SUMF1: variants seen among roughly 807,000 people sequenced by gnomAD.
SUMF1 encodes formylglycine-generating enzyme.
A neutral mutation model predicts 47.6 loss-of-function variants in SUMF1; 48 were observed. The observed-to-expected ratio is 1.01, with a 90% CI of 0.80 to 1.28. SUMF1 has a LOEUF of 1.28. Among genes scored for constraint, SUMF1 ranks in the 50% most tolerant of loss-of-function variants. SUMF1 has a pLI of 0.00. For synonymous variants in SUMF1, 230 were observed against 192.1 expected (o/e 1.20, Z -1.63); for missense variants, 571 against 485.4 (o/e 1.18, Z -1.66).
At chr3:4,107,159 C>A (rs1693177317) in intron 8 of SUMF1, among the ~76,000 whole-genome samples, 2 of 152,050 alleles carry the variant, frequency 1.3e-5, no homozygotes, top group Non-Finnish European at 2.9e-5. Context: ...TCACTAAACT[C>A]TAAGTTGAGA....
intron 1 of SUMF1, among the ~76,000 whole-genome samples, chr3:4,462,596 G>A (rs931917194): frequency 5.3e-5 from 8 of 152,144 alleles, no homozygotes; most frequent in African/African-American, 1.9e-4. Context: ...AATAGAATCA[G>A]CTCATACGTA....
chr3:4,077,436 G>T (rs994813622), intron 8 of SUMF1, among the ~76,000 whole-genome samples: 1 of 152,100 alleles, frequency 6.6e-6, no homozygotes, highest in Non-Finnish European at 1.5e-5. Flanking sequence ...ACTGGATAAA[G>T]AAAATGTGGC....
chr3:4,345,089 G>C (rs1173894532), intron 8 of SUMF1, among the ~76,000 whole-genome samples: 1 of 152,134 alleles, frequency 6.6e-6, no homozygotes, highest in East Asian at 1.9e-4. Context: ...AGGGAGAATG[G>C]AAACAAGTGG....
intron 8 of SUMF1, among the ~76,000 whole-genome samples, chr3:4,088,139 A>T (rs1213927029): frequency 6.6e-6 from 1 of 152,122 alleles, no homozygotes; most frequent in Non-Finnish European, 1.5e-5. Context: ...CTCTGAACTC[A>T]GGTGAGTGTT....
intron 8 of SUMF1, among the ~76,000 whole-genome samples, chr3:4,339,395 T>C (rs1699222094): frequency 6.6e-6 from 1 of 152,060 alleles, no homozygotes; most frequent in Non-Finnish European, 1.5e-5. Context: ...ACCTGTGGAA[T>C]GGAAGGAAAG....
rs1695429620 is a variant in SUMF1 at position 4,068,415 on chromosome 3, A to T, written c.1191+154T>A. On this transcript the variant is annotated intron_variant and NMD_transcript_variant, in intron 9 of 12. Coordinates refer to the SUMF1 transcript ENST00000448413. ...AAATTTGAGCCACATTTTAAAAAGT[A>T]AAAAACAATGATAGTAATTTTAATA... is the stretch of plus-strand genomic sequence containing the variant. Among the ~76,000 whole-genome samples the T allele has an allele frequency of 2.0e-5, 3 of 152,316 alleles. No homozygotes were observed. In the South Asian group the frequency reaches 6.2e-4, roughly 32 times the overall value.
intron 8 of SUMF1, among the ~76,000 whole-genome samples, chr3:4,253,382 T>C (rs532966887): frequency 1.3e-5 from 2 of 152,136 alleles, no homozygotes; most frequent in South Asian, 2.1e-4. Context: ...TGCCAGACAG[T>C]GGGCGCAGGC....
At chr3:4,227,246 C>T (rs1459527282) in intron 8 of SUMF1, among the ~76,000 whole-genome samples, 2 of 152,142 alleles carry the variant, frequency 1.3e-5, no homozygotes, top group Non-Finnish European at 2.9e-5. Flanking sequence ...TCATTCCACA[C>T]ATGATTACCA....
intron 8 of SUMF1, chr3:4,303,605 G>A (rs958019878): frequency 7.3e-7 from 1 of 1,372,384 alleles, no homozygotes; most frequent in African/African-American, 1.5e-5. Flanking sequence ...TCGCTGGGAC[G>A]GCCTCCCAGT....
At chr3:4,425,519 G>C (rs1447618610) in intron 3 of SUMF1, among the ~76,000 whole-genome samples, 1 of 152,084 alleles carries the variant, frequency 6.6e-6, no homozygotes, top group Non-Finnish European at 1.5e-5. Flanking sequence ...CCACCCACCA[G>C]TTCACCCTTT....
chr3:4,149,376 T>C (rs941178998), intron 8 of SUMF1, among the ~76,000 whole-genome samples: 3 of 152,114 alleles, frequency 2.0e-5, no homozygotes, highest in African/African-American at 7.2e-5. Context: ...TCCTTAAACA[T>C]GCACTTCAAA....
At chr3:4,099,853 G>A (rs1215991472) in intron 8 of SUMF1, among the ~76,000 whole-genome samples, 1 of 151,080 alleles carries the variant, frequency 6.6e-6, no homozygotes, top group Non-Finnish European at 1.5e-5. Flanking sequence ...AATCCCACCT[G>A]CAATAGCATC....
intron 9 of SUMF1, among the ~76,000 whole-genome samples, chr3:4,061,866 A>G (rs1322055303): frequency 6.6e-6 from 1 of 152,110 alleles, no homozygotes; most frequent in Non-Finnish European, 1.5e-5. Flanking sequence ...CCTTTAGGCC[A>G]AACTTAAAGT....
chr3:4,125,707 C>T (rs1261413423), intron 8 of SUMF1, among the ~76,000 whole-genome samples: 3 of 152,158 alleles, frequency 2.0e-5, no homozygotes, highest in African/African-American at 7.2e-5. Context: ...CAGGATCTTA[C>T]TCTGCCACCC....
In SUMF1 at chr3:4,449,259, T is replaced by A. The variant is rs780191552; in HGVS notation, c.519+7A>T. On this transcript the variant is annotated splice_region_variant and intron_variant, in intron 3 of 8. Transcript: ENST00000272902. The stretch of plus-strand genomic sequence containing the variant: ...GAAATACAGGAGCCTGTTGAAACAT[T>A]ACTTACTGCCTGTTGAATATTGGTC... 2.1e-5 allele frequency: 34 copies of A among 1,614,010 alleles called. No homozygotes were observed. The highest frequency in any genetic ancestry group is 2.8e-5 in the Non-Finnish European group (33 of 1,179,980).
At chr3:4,269,823 A>T (rs1253069754) in intron 8 of SUMF1, among the ~76,000 whole-genome samples, 4 of 152,138 alleles carry the variant, frequency 2.6e-5, no homozygotes, top group African/African-American at 9.7e-5. Flanking sequence ...TGGCCCTATT[A>T]AATTCTCATC....
chr3:4,144,732 G>T (rs1421545549), intron 8 of SUMF1, among the ~76,000 whole-genome samples: 1 of 152,094 alleles, frequency 6.6e-6, no homozygotes, highest in Non-Finnish European at 1.5e-5. Context: ...CTACAGAGAT[G>T]AGTTTTTCTT....
intron 8 of SUMF1, among the ~76,000 whole-genome samples, chr3:4,214,375 A>G (rs1334059467): frequency 1.3e-5 from 2 of 152,196 alleles, no homozygotes; most frequent in East Asian, 1.9e-4. Flanking sequence ...TGAAGACACA[A>G]TGTACTAGAA....
At chr3:4,069,490 G>A (rs932137495) in intron 8 of SUMF1, among the ~76,000 whole-genome samples, 33 of 152,156 alleles carry the variant, frequency 2.2e-4, no homozygotes, top group East Asian at 5.8e-4. Context: ...ATGAGCAGAG[G>A]AGATACAGGT....
Sources: allele counts gnomAD v4.1 joint callset (sites outside exome capture counted in the v4.1 genomes callset), GRCh38; gene constraint gnomAD v4.1.1; transcripts MANE v1.5; gene names NCBI Gene and HGNC (gene_info 2026-07-23, HGNC 2026-07-21).